INVS: variants seen among roughly 807,000 people sequenced by gnomAD.
INVS encodes inversion of embryo turning homolog.
INVS carries 86 observed loss-of-function variants against 108.8 expected under a neutral mutation model. The ratio of observed to expected loss-of-function variants is 0.79; its 90% CI spans 0.66 to 0.95. The LOEUF is 0.95. Among genes scored for constraint, INVS ranks in the 40% least tolerant of loss-of-function variants. INVS has a pLI of 0.00. For synonymous variants in INVS, 455 were observed against 473.5 expected (o/e 0.96, Z 0.51); for missense variants, 1,169 against 1,297.4 (o/e 0.90, Z 1.52).
chr9:100,107,150 A>C (rs1827206566), intron 2 of INVS, among the ~76,000 whole-genome samples: 1 of 152,172 alleles, frequency 6.6e-6, no homozygotes, highest in African/African-American at 2.4e-5. Flanking sequence ...AATAAACATA[A>C]AGCAAACATC....
intron 2 of INVS, among the ~76,000 whole-genome samples, chr9:100,114,193 C>T (rs985906394): frequency 6.6e-6 from 1 of 152,034 alleles, no homozygotes; most frequent in Non-Finnish European, 1.5e-5. Context: ...ATCACCATGA[C>T]CATCAAGATA....
chr9:100,289,138 G>A (rs1833537436), intron 13 of INVS, among the ~76,000 whole-genome samples: 1 of 152,026 alleles, frequency 6.6e-6, no homozygotes, highest in Non-Finnish European at 1.5e-5. Flanking sequence ...TTGACATTTT[G>A]TTCTACATTC....
In INVS at chr9:100,253,064, A is replaced by C. The variant is rs1312406580; in HGVS notation, c.1392A>C (p.Ala464=). The C allele has an allele frequency of 6.2e-7, 1 of 1,614,056 alleles. No individual in the cohort carries two copies. The highest frequency in any genetic ancestry group is 8.5e-7 in the Non-Finnish European group (1 of 1,179,928). ...YAGRTPLQCA[A]YGGYINCMAV... ...GAAGAACCCCTTTGCAGTGTGCAGC[A>C]TATGGAGGCTATATCAACTGCATGG... Residue 464 remains alanine, a synonymous_variant, in exon 10 of 17, where the codon GCA becomes GCC. Transcript: ENST00000262457.
chr9:100,266,613 G>T (rs576199579), intron 11 of INVS, among the ~76,000 whole-genome samples: 1 of 152,224 alleles, frequency 6.6e-6, no homozygotes, highest in South Asian at 2.1e-4. Flanking sequence ...TATCAGCAAG[G>T]TCTTTATGAC....
intron 2 of INVS, among the ~76,000 whole-genome samples, chr9:100,114,187 C>A (rs555138463): frequency 5.3e-5 from 8 of 152,026 alleles, no homozygotes; most frequent in Non-Finnish European, 1.2e-4. Context: ...CATGTGATCA[C>A]CATGACCATC....
rs1167769351 is a variant in INVS, at chr9:100,203,282, A to G, written c.274-22780A>G. ...CCCCATTTACTGTTACTCATTCTCA[A>G]TCTTTTATATTGCCTATTACTCAGT... is the stretch of plus-strand genomic sequence containing the variant. On this transcript the variant is annotated intron_variant, in intron 3 of 16. Transcript: ENST00000262457. Among the ~76,000 whole-genome samples, 5 of 151,934 alleles carry G rather than the reference A, an allele frequency of 3.3e-5. No individual in the cohort carries two copies. The South Asian group carries it at 6.2e-4, about 19-fold the overall frequency.
chr9:100,174,789 G>A (rs191030111), intron 3 of INVS, among the ~76,000 whole-genome samples: 7 of 152,052 alleles, frequency 4.6e-5, no homozygotes, highest in East Asian at 1.9e-4. Context: ...GTGCGTGCCT[G>A]TAATCCCAGC....
chr9:100,244,670 AGTCCCTT>A (rs1831987431), intron 7 of INVS, among the ~76,000 whole-genome samples: 1 of 152,200 alleles, frequency 6.6e-6, no homozygotes, highest in African/African-American at 2.4e-5. Flanking sequence ...CTCAGTTTCA[AGTCCCTT>A]GATCTCCTTG....
rs1832291515 is a variant in INVS at position 100,253,106 on chromosome 9, C to T, written c.1434C>T (p.Asn478=). 3 of 1,613,610 alleles carry T rather than the reference C, an allele frequency of 1.9e-6. No individual in the cohort carries two copies. Among genetic ancestry groups the T allele is most frequent in the Non-Finnish European group, 2.5e-6 (3 of 1,179,642 alleles). Residue 478 remains asparagine, a synonymous_variant, in exon 10 of 17, where the codon AAC becomes AAT. Coordinates refer to ENST00000262457, the MANE Select transcript of INVS (RefSeq NM_014425.5). ...YINCMAVLME[N]NADPNIQDKE... ...ACTGCATGGCAGTTCTCATGGAAAA[C>T]AATGCAGACCCTAACATTCAAGACA...
At chr9:100,168,579 G>A (rs531175261) in intron 3 of INVS, among the ~76,000 whole-genome samples, 1 of 152,250 alleles carries the variant, frequency 6.6e-6, no homozygotes, top group East Asian at 1.9e-4. Context: ...TTCATCTGGA[G>A]GATTAGAGGT....
intron 8 of INVS, among the ~76,000 whole-genome samples, chr9:100,251,428 A>C (rs1832232784): frequency 6.6e-6 from 1 of 152,260 alleles, no homozygotes; most frequent in African/African-American, 2.4e-5. Flanking sequence ...CAAGCATTAC[A>C]CTGGAGTAAC....
Position 100,229,733 on chromosome 9 carries a change from A to T in INVS, c.521A>T (p.Asn174Ile), listed in dbSNP as rs1291106322. 2.5e-6 allele frequency: 4 copies of T among 1,613,964 alleles called. No individual in the cohort carries two copies. The African/African-American group carries it at 5.3e-5, about 22-fold the overall frequency. The change falls in exon 5 of 17, where the codon AAC becomes ATC. Residue 174 changes from asparagine to isoleucine, a missense_variant. Asn to Ile is a moderately radical substitution (Grantham distance 149). Coordinates refer to ENST00000262457, the MANE Select transcript of INVS (RefSeq NM_014425.5). ...HVKLLIKHDS[N>I]IGIPDVEGKI... is the part of the protein sequence containing the mutation. The stretch of plus-strand genomic sequence containing the variant: ...AAGCTGCTCATCAAGCATGATTCTA[A>T]CATTGGGATTCCTGATGTTGAAGGC...
rs57574934 is a variant in INVS, at chr9:100,218,550, C to G, written c.274-7512C>G. On this transcript the variant is annotated intron_variant, in intron 3 of 16. Transcript: ENST00000262457. ...GTAGGATCCAGAATATTTTGAGGAT[C>G]AGCTGCCAATTATCTATAAGTTAAT... Among the ~76,000 whole-genome samples the G allele has an allele frequency of 6.5e-3, 988 of 152,244 alleles. 9 individuals are homozygous for G. Among genetic ancestry groups the G allele is most frequent in the African/African-American group, 0.023 (954 of 41,536 alleles).
intron 3 of INVS, among the ~76,000 whole-genome samples, chr9:100,150,121 A>G (rs1379217741): frequency 6.6e-6 from 1 of 152,226 alleles, no homozygotes; most frequent in Non-Finnish European, 1.5e-5. Flanking sequence ...GGTCAGATTC[A>G]GGATTTGAAC....
intron 10 of INVS, among the ~76,000 whole-genome samples, chr9:100,256,669 A>G (rs1215494107): frequency 6.6e-6 from 1 of 152,136 alleles, no homozygotes; most frequent in African/African-American, 2.4e-5. Flanking sequence ...TCATTTTGTT[A>G]TGTACCCAGT....
chr9:100,155,882 CTA>C (rs1828960128), intron 3 of INVS, among the ~76,000 whole-genome samples: 1 of 152,138 alleles, frequency 6.6e-6, no homozygotes, highest in African/African-American at 2.4e-5. Flanking sequence ...CAAATATAAA[CTA>C]TTGATATATG....
chr9:100,115,884 A>G (rs1827504553), intron 2 of INVS, among the ~76,000 whole-genome samples: 1 of 152,122 alleles, frequency 6.6e-6, no homozygotes, highest in Non-Finnish European at 1.5e-5. Context: ...GTCTTCCACA[A>G]TGGTTGAACT....
intron 3 of INVS, among the ~76,000 whole-genome samples, chr9:100,129,108 C>A (rs1016400658): frequency 2.0e-5 from 3 of 151,848 alleles, no homozygotes; most frequent in Non-Finnish European, 4.4e-5. Flanking sequence ...TTGCTTGAGC[C>A]CTGGAGTTTC....
At chr9:100,211,978 A>T (rs1830845373) in intron 3 of INVS, among the ~76,000 whole-genome samples, 1 of 152,224 alleles carries the variant, frequency 6.6e-6, no homozygotes, top group African/African-American at 2.4e-5. Flanking sequence ...AAAACACAGA[A>T]TTAAGCCTTG....
Sources: gnomAD v4.1 joint callset for allele counts (sites outside exome capture counted in the v4.1 genomes callset) on GRCh38, gnomAD v4.1.1 for gene constraint, MANE v1.5 for transcripts, NCBI Gene and HGNC (gene_info 2026-07-23, HGNC 2026-07-21) for gene names.